KIAA1217: variants seen among roughly 807,000 people sequenced by gnomAD.
KIAA1217 encodes the protein sickle tail protein homolog.
Under a neutral mutation model 163.9 loss-of-function variants are expected in KIAA1217, and 88 were observed. The ratio of observed to expected loss-of-function variants is 0.54; its 90% CI spans 0.45 to 0.64. The LOEUF is 0.64. Ranked by LOEUF, KIAA1217 falls within the 30% of genes least tolerant of loss-of-function variation. The pLI is 0.00. For synonymous variants in KIAA1217, 903 were observed against 923.1 expected (o/e 0.98, Z 0.39); for missense variants, 2,372 against 2,475.0 (o/e 0.96, Z 0.88).
intron 1 of KIAA1217, among the ~76,000 whole-genome samples, chr10:23,993,529 A>G (rs933221277): frequency 2.2e-5 from 3 of 139,520 alleles, no homozygotes; most frequent in African/African-American, 5.7e-5. Context: ...CCAGAGTCCA[A>G]GAGTTTGGCT....
At chr10:24,501,087 T>A (rs201389965) in intron 8 of KIAA1217, among the ~76,000 whole-genome samples, 2 of 68,432 alleles carry the variant, frequency 2.9e-5, no homozygotes, top group African/African-American at 1.4e-4. Flanking sequence ...AAAATTAAAA[T>A]AAAAAAAAAA....
At chr10:24,390,274 G>A (rs1397051493) in intron 3 of KIAA1217, among the ~76,000 whole-genome samples, 1 of 152,116 alleles carries the variant, frequency 6.6e-6, no homozygotes, top group Non-Finnish European at 1.5e-5. Flanking sequence ...AGGCTTGGCA[G>A]GGAGCTGTAA....
intron 1 of KIAA1217, among the ~76,000 whole-genome samples, chr10:23,993,007 A>G (rs1167435656): frequency 6.6e-6 from 1 of 150,768 alleles, no homozygotes; most frequent in African/African-American, 2.5e-5. Context: ...GTCCCCATGA[A>G]CAAAGGTACT....
intron 2 of KIAA1217, among the ~76,000 whole-genome samples, chr10:24,035,546 G>C (rs558065884): frequency 6.6e-6 from 1 of 152,320 alleles, no homozygotes; most frequent in Admixed American, 6.5e-5. Flanking sequence ...AATCTCTCCA[G>C]CTTCTGAGGC....
At chr10:23,771,281 C>A (rs904137652) in intron 1 of KIAA1217, among the ~76,000 whole-genome samples, 1 of 152,186 alleles carries the variant, frequency 6.6e-6, no homozygotes, top group Non-Finnish European at 1.5e-5. Context: ...ACATAGGGAG[C>A]TTTTAAACCA....
chr10:23,983,822 C>T (rs1209911808), intron 1 of KIAA1217, among the ~76,000 whole-genome samples: 3 of 152,206 alleles, frequency 2.0e-5, no homozygotes, highest in Non-Finnish European at 4.4e-5. Flanking sequence ...AGAACAGGAT[C>T]CAAGTCCTGA....
chr10:24,249,271 T>C (rs889418901), intron 2 of KIAA1217, among the ~76,000 whole-genome samples: 1 of 152,208 alleles, frequency 6.6e-6, no homozygotes, highest in Non-Finnish European at 1.5e-5. Flanking sequence ...AATGCAGTGT[T>C]TGGTGAAGAA....
intron 1 of KIAA1217, among the ~76,000 whole-genome samples, chr10:23,748,481 GA>G (rs1564387979): frequency 6.9e-6 from 1 of 144,504 alleles, no homozygotes; most frequent in East Asian, 2.2e-4. Flanking sequence ...AGGAAGGAAG[GA>G]AGGAAGGAAA....
chr10:23,849,539 A>G (rs1361282051), intron 1 of KIAA1217, among the ~76,000 whole-genome samples: 1 of 152,088 alleles, frequency 6.6e-6, no homozygotes, highest in Non-Finnish European at 1.5e-5. Context: ...TCAGGATAAC[A>G]TCCTCCTAAA....
At chr10:24,044,284 G>GT (rs1848829033) in intron 2 of KIAA1217, among the ~76,000 whole-genome samples, 1 of 152,136 alleles carries the variant, frequency 6.6e-6, no homozygotes, top group Non-Finnish European at 1.5e-5. Flanking sequence ...CGTGGTTGTC[G>GT]TAAGATCAAG....
intron 3 of KIAA1217, among the ~76,000 whole-genome samples, chr10:24,427,811 A>G (rs1388582669): frequency 1.3e-5 from 2 of 152,218 alleles, no homozygotes; most frequent in Non-Finnish European, 2.9e-5. Context: ...GCTTTTGTTC[A>G]TCATCATGCC....
intron 2 of KIAA1217, among the ~76,000 whole-genome samples, chr10:24,043,422 A>G (rs1248698866): frequency 6.6e-6 from 1 of 152,160 alleles, no homozygotes; most frequent in Non-Finnish European, 1.5e-5. Context: ...CAAATACGCA[A>G]TGATATACTT....
At chr10:24,246,168 A>C (rs1163259576) in intron 2 of KIAA1217, among the ~76,000 whole-genome samples, 4 of 152,256 alleles carry the variant, frequency 2.6e-5, no homozygotes, top group African/African-American at 9.6e-5. Flanking sequence ...ACAAAGGCCA[A>C]TTTTCAATTT....
intron 9 of KIAA1217, among the ~76,000 whole-genome samples, chr10:24,511,132 A>G (rs1130083): frequency 0.6 from 74,697 of 123,958 alleles, 23,694 homozygotes; most frequent in African/African-American, 0.84. Context: ...CACCCTGGGC[A>G]ACAGAGTGAG....
At chr10:24,351,928 A>G (rs12252823) in intron 2 of KIAA1217, among the ~76,000 whole-genome samples, 12,670 of 152,166 alleles carry the variant, frequency 0.083, 1,455 homozygotes, top group African/African-American at 0.25. Flanking sequence ...CCTGCTGCTC[A>G]CAGGTCTGAC....
At chr10:24,266,116 T>A (rs2076210340) in intron 2 of KIAA1217, among the ~76,000 whole-genome samples, 1 of 151,594 alleles carries the variant, frequency 6.6e-6, no homozygotes. Flanking sequence ...TCTCACCCTG[T>A]CGCCCAGGTT....
At chr10:23,704,811 G>A (rs1836777029) in intron 1 of KIAA1217, among the ~76,000 whole-genome samples, 1 of 152,010 alleles carries the variant, frequency 6.6e-6, no homozygotes, top group African/African-American at 2.4e-5. Flanking sequence ...TATTTCTCCT[G>A]GATAGACCCC....
chr10:24,520,687 C>CACACAA (rs1269831674), intron 11 of KIAA1217, among the ~76,000 whole-genome samples: 1 of 81,482 alleles, frequency 1.2e-5, no homozygotes. Context: ...CACACACACA[C>CACACAA]AAAAAAAAAT....
intron 1 of KIAA1217, among the ~76,000 whole-genome samples, chr10:23,745,967 T>C (rs1839390512): frequency 6.6e-6 from 1 of 152,228 alleles, no homozygotes; most frequent in African/African-American, 2.4e-5. Flanking sequence ...CAAACACCAC[T>C]TTTTGAAGGA....
Sources: allele counts gnomAD v4.1 joint callset (sites outside exome capture counted in the v4.1 genomes callset), GRCh38; gene constraint gnomAD v4.1.1; transcripts MANE v1.5; gene names NCBI Gene and HGNC (gene_info 2026-07-23, HGNC 2026-07-21).